BLNK: variants seen among roughly 807,000 people sequenced by gnomAD.
BLNK encodes the protein B-cell linker protein.
A neutral mutation model predicts 73.5 loss-of-function variants in BLNK; 29 were observed. The observed-to-expected ratio is 0.39, with a 90% CI of 0.29 to 0.54. The LOEUF (loss-of-function observed/expected upper bound fraction) is 0.54. Among genes scored for constraint, BLNK ranks in the 20% least tolerant of loss-of-function variants. The pLI is 0.61. For missense variants in BLNK, 460 were observed against 562.8 expected, an observed-to-expected ratio of 0.82 and a Z score of 1.85; for synonymous variants, 176 against 200.8, an observed-to-expected ratio of 0.88 and a Z score of 1.04.
At chr10:96,267,265 C>A (rs1427977156) in intron 1 of BLNK, among the ~76,000 whole-genome samples, 1 of 152,002 alleles carries the variant, frequency 6.6e-6, no homozygotes, top group Non-Finnish European at 1.5e-5. Context: ...GAGCTAATAA[C>A]CTATCCGGGA....
At chr10:96,269,631 T>C (rs1844182322) in intron 1 of BLNK, among the ~76,000 whole-genome samples, 1 of 152,004 alleles carries the variant, frequency 6.6e-6, no homozygotes, top group African/African-American at 2.4e-5. Flanking sequence ...CTCCAACGCA[T>C]CCTACCAGGC....
intron 2 of BLNK, among the ~76,000 whole-genome samples, chr10:96,245,384 AT>A (rs1415168916): frequency 6.6e-6 from 1 of 152,198 alleles, no homozygotes; most frequent in Non-Finnish European, 1.5e-5. Context: ...CCATTTGGAA[AT>A]TTCATTTTAG....
intron 1 of BLNK, among the ~76,000 whole-genome samples, chr10:96,248,155 C>T (rs1422130869): frequency 6.6e-6 from 1 of 152,142 alleles, no homozygotes; most frequent in African/African-American, 2.4e-5. Flanking sequence ...GAAATATTTG[C>T]AACATATAGT....
At chr10:96,259,670 CTTTTTT>C (rs57821919) in intron 1 of BLNK, among the ~76,000 whole-genome samples, 5 of 44,870 alleles carry the variant, frequency 1.1e-4, no homozygotes, top group Non-Finnish European at 1.8e-4. Flanking sequence ...CACACCCTAC[CTTTTTT>C]TTTTTTTTTT....
At chr10:96,235,533 A>T (rs1254707845) in intron 3 of BLNK, among the ~76,000 whole-genome samples, 1 of 149,358 alleles carries the variant, frequency 6.7e-6, no homozygotes, top group Non-Finnish European at 1.5e-5. Flanking sequence ...ACAAATAAAG[A>T]CTAAGGGCCA....
intron 8 of BLNK, 102 bp from the exon 9 acceptor site, chr10:96,210,009 A>G (rs2083911216): frequency 7.2e-6 from 9 of 1,242,258 alleles, no homozygotes; most frequent in Non-Finnish European, 1.1e-5. Flanking sequence ...ATTTGCACAT[A>G]CTGTGTTGCT....
Position 96,231,161 on chromosome 10 carries a change from G to A in BLNK, c.164-327C>T, listed in dbSNP as rs72811027. 6.0e-3 allele frequency among the ~76,000 whole-genome samples: 914 copies of A among 152,260 alleles called. 4 individuals are homozygous for A. Among genetic ancestry groups the A allele is most frequent in the Non-Finnish European group, 9.3e-3 (634 of 68,012 alleles). On this transcript the variant is annotated intron_variant, in intron 3 of 16. Transcript: ENST00000224337. ...TGGCTTCTAAGGACTTCAGAGGATG[G>A]CGTAGTAGGAACAGCACAGGACAGG...
intron 15 of BLNK, among the ~76,000 whole-genome samples, chr10:96,198,245 T>C (rs1554895184): frequency 6.6e-6 from 1 of 151,916 alleles, no homozygotes; most frequent in African/African-American, 2.4e-5. Context: ...ATAAGTACCA[T>C]AGAATCAAAG....
At chr10:96,210,872 T>C (rs1291904628) in intron 8 of BLNK, among the ~76,000 whole-genome samples, 1 of 146,390 alleles carries the variant, frequency 6.8e-6, no homozygotes, top group East Asian at 1.9e-4. Context: ...CGTTTTTTTT[T>C]TTTTTTTTTT....
intron 1 of BLNK, among the ~76,000 whole-genome samples, chr10:96,269,812 A>T (rs1362692676): frequency 6.6e-6 from 1 of 152,178 alleles, no homozygotes; most frequent in Non-Finnish European, 1.5e-5. Context: ...TCTGCTGGAC[A>T]GAAAACTCTC....
chr10:96,207,052 G>C lies in BLNK; in HGVS notation c.776C>G (p.Thr259Ser). The C allele has an allele frequency of 6.2e-7, 1 of 1,613,746 alleles. No homozygotes were observed. Among genetic ancestry groups the C allele is most frequent in the Non-Finnish European group, 8.5e-7 (1 of 1,179,712 alleles). ...AGCATTCTGTTGAGAGGCAACTGGAGTCTATGTAAAAGAAAAAAAGGCAAG... is the reference window on the plus strand; with the variant it reads ...AGCATTCTGTTGAGAGGCAACTGGACTCTATGTAAAAGAAAAAAAGGCAAG... Reference protein sequence around the residue: ...GKKPTTPLKTTPVASQQNASS... With the variant: ...GKKPTTPLKTSPVASQQNASS... Residue 259 changes from threonine to serine, a missense_variant and splice_region_variant, in exon 11 of 17, where the codon ACT becomes AGT. Around this residue, in one of 3 missense-constraint regions of BLNK, gnomAD observed 233 missense variants for 232.1 expected, o/e 1.00. Transcript: ENST00000224337.
At chr10:96,243,284 T>A (rs1842935483) in intron 2 of BLNK, among the ~76,000 whole-genome samples, 1 of 152,216 alleles carries the variant, frequency 6.6e-6, no homozygotes, top group South Asian at 2.1e-4. Flanking sequence ...CTGGCTCATT[T>A]CTGTAATCCC....
At chr10:96,269,985 C>T (rs1325508592) in intron 1 of BLNK, among the ~76,000 whole-genome samples, 2 of 152,138 alleles carry the variant, frequency 1.3e-5, no homozygotes, top group Non-Finnish European at 2.9e-5. Flanking sequence ...TCTATGAAAC[C>T]TCCTCCTGCT....
intron 8 of BLNK, among the ~76,000 whole-genome samples, chr10:96,212,449 C>T (rs2083970299): frequency 6.6e-6 from 1 of 152,114 alleles, no homozygotes; most frequent in African/African-American, 2.4e-5. Context: ...GCATAGGTGC[C>T]ATTTTTTCAG....
In BLNK at chr10:96,189,651, T is replaced by C. The variant is rs2083297845; in HGVS notation, c.*2322A>G. The C allele has an allele frequency of 4.2e-6, 3 of 716,242 alleles. No homozygotes were observed. The highest frequency in any genetic ancestry group is 1.4e-5 in the South Asian group (1 of 73,420). The allele number at this position is 716,242 out of a possible 1,614,324, so 44.4% of individuals were successfully genotyped here. A position where few individuals can be genotyped will look rare whatever the true frequency, so the allele number is the denominator to read the frequency against. ...CTTTTGTGCATTTTTGGCTGGAGTA[T>C]GTAGATTTCTTCAATGGTGCTTTTT... On this transcript the variant is annotated 3_prime_UTR_variant, in exon 17 of 17. Transcript: ENST00000224337.
chr10:96,226,008 G>C (rs1842242486), intron 5 of BLNK, among the ~76,000 whole-genome samples: 1 of 152,110 alleles, frequency 6.6e-6, no homozygotes, highest in East Asian at 1.9e-4. Flanking sequence ...TCCTCCCCAG[G>C]GTTGCTGTGA....
intron 13 of BLNK, chr10:96,203,767 G>A (rs891652089): frequency 4.0e-5 from 10 of 247,606 alleles, no homozygotes. Flanking sequence ...TTTGAAAACA[G>A]CTGTATTGTT....
chr10:96,242,904 G>C (rs1326448592), intron 2 of BLNK, 120 bp from the exon 3 acceptor site: 2 of 869,762 alleles, frequency 2.3e-6, no homozygotes. Flanking sequence ...GCTTCTCTTG[G>C]ACCAATCAAT....
intron 1 of BLNK, among the ~76,000 whole-genome samples, chr10:96,262,187 T>G (rs1843787051): frequency 6.6e-6 from 1 of 152,116 alleles, no homozygotes; most frequent in Non-Finnish European, 1.5e-5. Flanking sequence ...ATCAGATAAA[T>G]GAGTCCTGCG....
Sources: allele counts gnomAD v4.1 joint callset (sites outside exome capture counted in the v4.1 genomes callset), GRCh38; gene constraint gnomAD v4.1.1; regional missense constraint gnomAD v4.1.1; transcripts MANE v1.5; gene names NCBI Gene and HGNC (gene_info 2026-07-23, HGNC 2026-07-21).